SLC12A8: variants seen among roughly 807,000 people sequenced by gnomAD.
SLC12A8 encodes solute carrier family 12 member 8, also known as cation-chloride cotransporter 9.
Under a neutral mutation model 75.6 loss-of-function variants are expected in SLC12A8, and 69 were observed. That is an observed-to-expected ratio of 0.91 (90% CI 0.75 to 1.11). SLC12A8 has a LOEUF of 1.11. Ranked by LOEUF, SLC12A8 falls within the 50% of genes most tolerant of loss-of-function variation. The pLI, the probability that SLC12A8 is intolerant of heterozygous loss-of-function variation, is 0.00. For synonymous variants in SLC12A8, 365 were observed against 372.8 expected (o/e 0.98, Z 0.24); for missense variants, 877 against 896.7 (o/e 0.98, Z 0.28).
At chr3:125,147,146 A>G (rs553581802) in intron 5 of SLC12A8, among the ~76,000 whole-genome samples, 2 of 152,372 alleles carry the variant, frequency 1.3e-5, no homozygotes, top group African/African-American at 4.8e-5. Flanking sequence ...CGCAAAATCA[A>G]GGGCGCTGTT....
chr3:125,120,882 C>A (rs1933040694), intron 6 of SLC12A8, 196 bp from the exon 7 acceptor site: 1 of 702,084 alleles, frequency 1.4e-6, no homozygotes, highest in Non-Finnish European at 2.6e-6. Context: ...GCGTGAAAGG[C>A]ACCTTTGTGG....
chr3:125,144,529 T>C (rs1314742833), intron 5 of SLC12A8, among the ~76,000 whole-genome samples: 1 of 152,104 alleles, frequency 6.6e-6, no homozygotes, highest in Non-Finnish European at 1.5e-5. Context: ...TCTGGCCTCC[T>C]TATCTCCTGG....
At chr3:125,187,575 A>G (rs541966047) in intron 3 of SLC12A8, 147 bp from the exon 4 acceptor site, 761 of 709,752 alleles carry the variant, frequency 1.1e-3, no homozygotes, top group Admixed American at 2.4e-3. Flanking sequence ...ACTAAAAAGG[A>G]CAAAGCAAGC....
At chr3:125,182,318 C>T (rs1005804828) in intron 4 of SLC12A8, among the ~76,000 whole-genome samples, 2 of 151,620 alleles carry the variant, frequency 1.3e-5, no homozygotes, top group African/African-American at 4.9e-5. Flanking sequence ...CAGACTGAGA[C>T]CCTGTCTCAA....
intron 10 of SLC12A8, among the ~76,000 whole-genome samples, chr3:125,104,238 C>T (rs1938963721): frequency 6.6e-6 from 1 of 151,848 alleles, no homozygotes; most frequent in African/African-American, 2.4e-5. Flanking sequence ...CTGGAGTAGC[C>T]GGGGCTACAG....
At chr3:125,107,417 G>T (rs1939054839) in intron 10 of SLC12A8, 64 bp downstream of exon 10, 2 of 1,422,252 alleles carry the variant, frequency 1.4e-6, no homozygotes, top group African/African-American at 1.4e-5. Context: ...CAATAACTGG[G>T]TAGGTAGGAT....
intron 5 of SLC12A8, among the ~76,000 whole-genome samples, chr3:125,165,090 C>G (rs988822114): frequency 2.6e-5 from 4 of 152,174 alleles, no homozygotes; most frequent in African/African-American, 9.7e-5. Context: ...GTTCCTGCAT[C>G]TTTGAGGAGG....
chr3:125,105,287 T>A (rs1938996106), intron 10 of SLC12A8, among the ~76,000 whole-genome samples: 2 of 152,066 alleles, frequency 1.3e-5, no homozygotes, highest in South Asian at 2.1e-4. Flanking sequence ...TGGTAAGAAA[T>A]CTCTTGTTTC....
At chr3:125,120,564 TC>T in intron 7 of SLC12A8, 34 bp downstream of exon 7, 1 of 1,518,702 alleles carries the variant, frequency 6.6e-7, no homozygotes. Flanking sequence ...TCTCCCACTC[TC>T]TAGCTCAGAC....
At chr3:125,084,098 G>C in intron 13 of SLC12A8, 46 bp from the exon 14 acceptor site, 1 of 1,545,426 alleles carries the variant, frequency 6.5e-7, no homozygotes, top group Non-Finnish European at 8.9e-7. Context: ...ACAGAACAGA[G>C]ACTGAACAGT....
chr3:125,127,765 T>A (rs1933244105), intron 6 of SLC12A8, among the ~76,000 whole-genome samples: 1 of 152,236 alleles, frequency 6.6e-6, no homozygotes. Context: ...ATAAGTATTG[T>A]CGATATTTAT....
In SLC12A8 at chr3:125,107,854, C is replaced by T; in HGVS notation, c.1332G>A (p.Glu444=). 1 of 1,614,188 alleles carries T rather than the reference C, an allele frequency of 6.2e-7. No homozygotes were observed. The highest frequency in any genetic ancestry group is 8.5e-7 in the Non-Finnish European group (1 of 1,180,046). ...CCTCCAAGACTCTTTGGGCAGGTCC[C>T]TCAGAGCCGTAACTGGGAGCTTTCT... ...LLEKAPSYGS[E]GPAQRVLEGT... is the part of the protein sequence containing the mutation. The change falls in exon 10 of 14, where the codon GAG becomes GAA. Residue 444 remains glutamate (E), a synonymous_variant. Coordinates refer to ENST00000469902, the MANE Select transcript of SLC12A8 (RefSeq NM_024628.6).
chr3:125,101,292 T>G (rs1391253508), intron 10 of SLC12A8, among the ~76,000 whole-genome samples: 2 of 152,236 alleles, frequency 1.3e-5, no homozygotes, highest in African/African-American at 4.8e-5. Flanking sequence ...TCATATTAAA[T>G]GCTAATCTCA....
intron 2 of SLC12A8, among the ~76,000 whole-genome samples, chr3:125,193,402 G>A (rs1228373525): frequency 1.3e-5 from 2 of 152,132 alleles, no homozygotes; most frequent in African/African-American, 2.4e-5. Flanking sequence ...GTGTGTCCCC[G>A]CTCTTCTCAC....
intron 6 of SLC12A8, among the ~76,000 whole-genome samples, chr3:125,126,190 A>G (rs1933202014): frequency 1.3e-5 from 2 of 152,180 alleles, no homozygotes; most frequent in African/African-American, 4.8e-5. Context: ...TTATGGTCTC[A>G]GTTTTGATAT....
chr3:125,153,540 G>C (rs1017570736), intron 5 of SLC12A8, among the ~76,000 whole-genome samples: 3 of 152,240 alleles, frequency 2.0e-5, no homozygotes, highest in Admixed American at 6.5e-5. Flanking sequence ...GGAAGTACAA[G>C]ACAAATACGA....
Position 125,120,614 on chromosome 3 carries a change from G to T in SLC12A8, c.809C>A (p.Ala270Glu). The change falls in exon 7 of 14, where the codon GCA (alanine) becomes GAA (glutamate). Residue 270 changes from alanine to glutamate, a missense_variant. Ala to Glu is a moderately radical substitution (Grantham distance 107). Transcript: ENST00000469902. ...PAASIPLGSL[A>E]AVGISWFLYI... ...GGGAACTTACGAGATGCCAACAGCT[G>T]CCAGGGAGCCCAGGGGAATGCTGGC... The T allele has an allele frequency of 6.2e-7, 1 of 1,613,400 alleles. No individual in the cohort carries two copies. The highest frequency in any genetic ancestry group is 8.5e-7 in the Non-Finnish European group (1 of 1,179,636).
At chr3:125,098,595 C>T (rs866357489) in intron 10 of SLC12A8, among the ~76,000 whole-genome samples, 6 of 146,072 alleles carry the variant, frequency 4.1e-5, no homozygotes, top group South Asian at 2.1e-4. Flanking sequence ...CACACACACA[C>T]GTATAAAACT....
intron 5 of SLC12A8, among the ~76,000 whole-genome samples, chr3:125,167,105 T>C (rs908578182): frequency 1.3e-5 from 2 of 152,218 alleles, no homozygotes; most frequent in Non-Finnish European, 2.9e-5. Flanking sequence ...ATATCTGTTA[T>C]ACTCTTTCCT....
Sources: allele counts gnomAD v4.1 joint callset (sites outside exome capture counted in the v4.1 genomes callset), GRCh38; gene constraint gnomAD v4.1.1; transcripts MANE v1.5; gene names NCBI Gene and HGNC (gene_info 2026-07-23, HGNC 2026-07-21).